The following CHST6 variants were observed in gnomAD, a reference collection of about 807,000 sequenced individuals.
The protein encoded by CHST6 is N-acetylglucosamine 6-O-sulfotransferase 5.
For missense variants in CHST6, 698 were observed against 586.2 expected (o/e 1.19, Z -1.97); for synonymous variants, 309 against 276.4 (o/e 1.12, Z -1.17).
intron 1 of CHST6, among the ~76,000 whole-genome samples, chr16:75,494,576 C>T (rs576565138): frequency 6.2e-4 from 94 of 152,326 alleles, no homozygotes; most frequent in Non-Finnish European, 1.1e-3. Flanking sequence ...GACTCCAATT[C>T]CCCTGGGTCT....
At chr16:75,493,914 A>G (rs1310850208) in intron 1 of CHST6, among the ~76,000 whole-genome samples, 2 of 152,152 alleles carry the variant, frequency 1.3e-5, no homozygotes, top group Non-Finnish European at 2.9e-5. Context: ...CCGCAATCTC[A>G]GCTCACTGCA....
rs374057790 is a variant in CHST6 at position 75,490,234 on chromosome 16, T to C, written c.-92+4706A>G. Among the ~76,000 whole-genome samples the C allele has an allele frequency of 1.3e-4, 19 of 145,856 alleles. 2 individuals are homozygous for C. In the East Asian group the frequency reaches 3.5e-3, roughly 27 times the overall value. On this transcript the variant is annotated intron_variant, in intron 1 of 2. Transcript: ENST00000332272. Reference sequence around the variant, plus strand: ...TGGCTCACGCCTGTAATCCCAGCACTTTGGGAGGCCAAGGCTGGTGGATCA... The same window carrying C: ...TGGCTCACGCCTGTAATCCCAGCACCTTGGGAGGCCAAGGCTGGTGGATCA...
chr16:75,486,244 C>G (rs151172705), intron 1 of CHST6, among the ~76,000 whole-genome samples: 1 of 152,228 alleles, frequency 6.6e-6, no homozygotes, highest in Non-Finnish European at 1.5e-5. Context: ...GTGAGCAACC[C>G]GGAACTTTGG....
rs886678384 is a variant in CHST6 at position 75,489,118 on chromosome 16, G to A, written c.-92+5822C>T. On this transcript the variant is annotated intron_variant, in intron 1 of 2. Transcript: ENST00000332272. Reference sequence around the variant, plus strand: ...GTGAGGTGTAGAAAAATTAAGGGAGGCAGGGCATGGTGACTGATGCCTGTA... The same window carrying A: ...GTGAGGTGTAGAAAAATTAAGGGAGACAGGGCATGGTGACTGATGCCTGTA... Among the ~76,000 whole-genome samples the A allele has an allele frequency of 4.0e-4, 61 of 151,766 alleles. 2 individuals are homozygous for A. Among genetic ancestry groups the A allele is most frequent in the African/African-American group, 1.5e-3 (61 of 41,174 alleles).
chr16:75,478,717 G>A lies in CHST6; in HGVS notation c.1112C>T (p.Ala371Val), dbSNP rs1336391554. ...GCCTCGTGGCAGCACCAGATCAAGG[G>A]CGAGGTTGCGCTGCTCGTCCTCAGA... is the stretch of plus-strand genomic sequence containing the variant. ...VYSEDEQRNLALDLVLPRGLN... is the reference protein window; with the variant it reads ...VYSEDEQRNLVLDLVLPRGLN... The change falls in exon 3 of 3, where the codon GCC becomes GTC. Residue 371 changes from alanine to valine, a missense_variant. Physicochemically the swap from Ala to Val is moderately conservative, Grantham distance 64. Transcript: ENST00000332272. The A allele has an allele frequency of 6.2e-7, 1 of 1,613,606 alleles. No homozygotes were observed. Among genetic ancestry groups the A allele is most frequent in the Non-Finnish European group, 8.5e-7 (1 of 1,180,014 alleles).
Position 75,478,730 on chromosome 16 carries a change from G to C in CHST6, c.1099C>G (p.Gln367Glu), listed in dbSNP as rs751005101. The C allele has an allele frequency of 1.1e-5, 17 of 1,613,440 alleles. No homozygotes were observed. Among genetic ancestry groups the C allele is most frequent in the Middle Eastern group, 1.6e-4 (1 of 6,084 alleles). Residue 367 changes from glutamine (Q) to glutamate (E), a missense_variant, in exon 3 of 3, where the codon CAG (glutamine) becomes GAG (glutamate). By Grantham distance (29) the Gln-to-Glu change is conservative. Transcript: ENST00000332272. ...GYRPVYSEDEQRNLALDLVLP... is the reference protein window; with the variant it reads ...GYRPVYSEDEERNLALDLVLP... ...ACCAGATCAAGGGCGAGGTTGCGCT[G>C]CTCGTCCTCAGAGTACACAGGCCGG...
Position 75,478,354 on chromosome 16 carries a change from G to A in CHST6, c.*287C>T. 2.0e-6 allele frequency: 1 copy of A among 489,778 alleles called. No individual in the cohort carries two copies. The highest frequency in any genetic ancestry group is 3.7e-6 in the Non-Finnish European group (1 of 268,034). 30.3% of individuals were successfully genotyped at this position (489,778 alleles called of 1,614,324 possible). On this transcript the variant is annotated 3_prime_UTR_variant, in exon 3 of 3. Coordinates refer to ENST00000332272, the MANE Select transcript of CHST6 (RefSeq NM_021615.5). ...AGTTAAAGGGGAAGAAAGCCCTTGA[G>A]TAGGAGCCAAGTCATCTGAACGCAC...
At position 75,479,710 on chromosome 16, in the gene CHST6, C is replaced by G. The variant is rs774830878; in HGVS notation, c.119G>C (p.Arg40Pro). The change falls in exon 3 of 3, where the codon CGC becomes CCC. Residue 40 changes from arginine (R) to proline (P), a missense_variant. Physicochemically the swap from Arg to Pro is moderately radical, Grantham distance 103 (BLOSUM62 -2). Coordinates refer to ENST00000332272, the MANE Select transcript of CHST6 (RefSeq NM_021615.5). Reference sequence around the variant, plus strand: ...CGAGGACAGCACCAGCACATGCACGCGCGCCTCGCCGCCTGCTGGGGACGA... The same window carrying G: ...CGAGGACAGCACCAGCACATGCACGGGCGCCTCGCCGCCTGCTGGGGACGA... ...GPSSPAGGEARVHVLVLSSWR... is the reference protein window; with the variant it reads ...GPSSPAGGEAPVHVLVLSSWR... 1 of 1,609,358 alleles carries G rather than the reference C, an allele frequency of 6.2e-7. No homozygotes were observed. The highest frequency in any genetic ancestry group is 8.5e-7 in the Non-Finnish European group (1 of 1,177,982).
chr16:75,489,336 T>G (rs1419876202), intron 1 of CHST6, among the ~76,000 whole-genome samples: 1 of 147,748 alleles, frequency 6.8e-6, no homozygotes, highest in East Asian at 2.0e-4. Context: ...GAGGCGGAGG[T>G]TGCAGTGAGC....
chr16:75,493,544 G>C (rs2080279015), intron 1 of CHST6, among the ~76,000 whole-genome samples: 1 of 151,944 alleles, frequency 6.6e-6, no homozygotes, highest in Admixed American at 6.6e-5. Flanking sequence ...TCTGTAAAGT[G>C]GGGGAAACAA....
At chr16:75,483,995 G>A (rs2080168913) in intron 1 of CHST6, among the ~76,000 whole-genome samples, 1 of 152,022 alleles carries the variant, frequency 6.6e-6, no homozygotes, top group South Asian at 2.1e-4. Flanking sequence ...CTGCACTCCA[G>A]CCTGGAAAAC....
chr16:75,494,070 C>G (rs949556765), intron 1 of CHST6, among the ~76,000 whole-genome samples: 7 of 152,180 alleles, frequency 4.6e-5, no homozygotes, highest in African/African-American at 1.7e-4. Flanking sequence ...GTCTTGAACT[C>G]CTGACCTCAG....
chr16:75,487,267 A>T (rs1035249424), intron 1 of CHST6, among the ~76,000 whole-genome samples: 1 of 152,176 alleles, frequency 6.6e-6, no homozygotes, highest in African/African-American at 2.4e-5. Flanking sequence ...GAAAAGCAAG[A>T]CATTGACCAA....
chr16:75,491,466 T>C (rs2080256702), intron 1 of CHST6, among the ~76,000 whole-genome samples: 1 of 151,724 alleles, frequency 6.6e-6, no homozygotes, highest in South Asian at 2.1e-4. Flanking sequence ...GCCTCCCAGG[T>C]TCATGCCATT....
chr16:75,494,703 C>G (rs2080291040), intron 1 of CHST6, among the ~76,000 whole-genome samples: 1 of 152,244 alleles, frequency 6.6e-6, no homozygotes, highest in Non-Finnish European at 1.5e-5. Flanking sequence ...AAGGGGTTCT[C>G]CCCTCGCAGT....
intron 1 of CHST6, among the ~76,000 whole-genome samples, chr16:75,487,740 A>G (rs1363029502): frequency 2.0e-5 from 3 of 148,964 alleles, no homozygotes; most frequent in Admixed American, 6.8e-5. Context: ...CAGAGCTTGC[A>G]GTGAGCTGAG....
At chr16:75,486,932 A>G (rs1251724177) in intron 1 of CHST6, among the ~76,000 whole-genome samples, 1 of 152,196 alleles carries the variant, frequency 6.6e-6, no homozygotes, top group Non-Finnish European at 1.5e-5. Flanking sequence ...AGTTTGTGAA[A>G]GTTCACCAAG....
chr16:75,491,823 C>A (rs747918414), intron 1 of CHST6, among the ~76,000 whole-genome samples: 7 of 152,194 alleles, frequency 4.6e-5, no homozygotes, highest in African/African-American at 1.4e-4. Flanking sequence ...GAGACAGGTG[C>A]CTGCAAAACC....
In CHST6 at chr16:75,491,190, A is replaced by AAAAATAT. The variant is rs1206595857; in HGVS notation, c.-92+3749_-92+3750insATATTTT. Among the ~76,000 whole-genome samples the AAAAATAT allele has an allele frequency of 2.0e-3, 98 of 50,050 alleles. 2 individuals carry two copies. The highest frequency in any genetic ancestry group is 3.6e-3 in the African/African-American group (33 of 9,124). The allele number at this position is 50,050 out of a possible 152,430, so 32.8% of individuals were successfully genotyped here. A position where few individuals can be genotyped will look rare whatever the true frequency, so the allele number is the denominator to read the frequency against. On this transcript the variant is annotated intron_variant, in intron 1 of 2. Coordinates refer to ENST00000332272, the MANE Select transcript of CHST6 (RefSeq NM_021615.5). ...TAAAAAAAAAAAAAAAAAAAAAAAA[A>AAAAATAT]ATATATATATATATATATATATATA...
Sources: allele counts gnomAD v4.1 joint callset (sites outside exome capture counted in the v4.1 genomes callset), GRCh38; gene constraint gnomAD v4.1.1; transcripts MANE v1.5; gene names NCBI Gene and HGNC (gene_info 2026-07-23, HGNC 2026-07-21).